CNTNAP2: variants seen among roughly 807,000 people sequenced by gnomAD.
CNTNAP2 encodes the protein contactin-associated protein-like 2.
In CNTNAP2, 98 loss-of-function variants were observed where a neutral mutation model predicts 155.2. The ratio of observed to expected loss-of-function variants is 0.63; its 90% confidence interval spans 0.54 to 0.75. The LOEUF (loss-of-function observed/expected upper bound fraction) is 0.75, where lower values mean the gene tolerates loss of function less well. Ranked by LOEUF, CNTNAP2 falls within the 30% of genes least tolerant of loss-of-function variation. The probability of loss-of-function intolerance (pLI) is 0.00; values close to 1 mark genes in which losing one functional copy is unlikely to be tolerated. For synonymous variants in CNTNAP2, 651 were observed against 631.2 expected (o/e 1.03, Z -0.47); for missense variants, 1,727 against 1,688.1 (o/e 1.02, Z -0.40).
At chr7:147,057,841 C>T (rs1372855288) in intron 4 of CNTNAP2, among the ~76,000 whole-genome samples, 2 of 152,128 alleles carry the variant, frequency 1.3e-5, no homozygotes, top group Non-Finnish European at 2.9e-5. Context: ...GCAGAAAGCA[C>T]GTACTGCATG....
chr7:146,204,666 T>A lies in CNTNAP2; in HGVS notation c.97+87693T>A, dbSNP rs570825678. ...ATATAGTAAATACTTTTCAAATGTT[T>A]CAACCATAGAGTTAAAACATCTTAG... is the stretch of plus-strand genomic sequence containing the variant. On this transcript the variant is annotated intron_variant, in intron 1 of 23. Coordinates refer to ENST00000361727, the MANE Select transcript of CNTNAP2 (RefSeq NM_014141.6). Among the ~76,000 whole-genome samples the A allele has an allele frequency of 1.8e-4, 27 of 152,216 alleles. No homozygotes were observed. The South Asian group carries it at 5.6e-3, about 32-fold the overall frequency.
chr7:146,430,301 G>A (rs966496907), intron 1 of CNTNAP2, among the ~76,000 whole-genome samples: 4 of 151,794 alleles, frequency 2.6e-5, no homozygotes, highest in Non-Finnish European at 4.4e-5. Context: ...ATCACAGAAA[G>A]TATATCTATT....
chr7:147,087,441 C>T (rs1800301738), intron 4 of CNTNAP2, among the ~76,000 whole-genome samples: 1 of 151,970 alleles, frequency 6.6e-6, no homozygotes, highest in Admixed American at 6.6e-5. Context: ...TTGTGTGTAG[C>T]GAAAGTGGTG....
At chr7:146,878,938 A>T (rs1308683367) in intron 3 of CNTNAP2, among the ~76,000 whole-genome samples, 2 of 152,128 alleles carry the variant, frequency 1.3e-5, no homozygotes, top group African/African-American at 4.8e-5. Flanking sequence ...ACCTTTTGCG[A>T]ACTTTATTTG....
At chr7:147,851,565 A>G (rs1798942033) in intron 13 of CNTNAP2, among the ~76,000 whole-genome samples, 1 of 152,034 alleles carries the variant, frequency 6.6e-6, no homozygotes, top group South Asian at 2.1e-4. Flanking sequence ...AATGTGGCAC[A>G]TATACACCAT....
At chr7:146,590,358 T>A (rs1006562573) in intron 1 of CNTNAP2, among the ~76,000 whole-genome samples, 1 of 152,188 alleles carries the variant, frequency 6.6e-6, no homozygotes, top group Non-Finnish European at 1.5e-5. Context: ...CAGTGAGAAT[T>A]TTTTTGATGA....
rs58086860 is a variant in CNTNAP2 at position 148,281,835 on chromosome 7, C to CTTTTT, written c.3475+14724_3475+14728dup. On this transcript the variant is annotated intron_variant, in intron 21 of 23. Transcript: ENST00000361727. ...CATAGCTGGTACTTCACAACGTTTCCTTTTTTTTTTTTTTTTTTTGAGACG... is the reference window on the plus strand; with the variant it reads ...CATAGCTGGTACTTCACAACGTTTCCTTTTTTTTTTTTTTTTTTTTTTTTGAGACG... 4.4e-4 allele frequency among the ~76,000 whole-genome samples: 54 copies of CTTTTT among 123,476 alleles called. 1 individual carries two copies. The highest frequency in any genetic ancestry group is 6.6e-4 in the Admixed American group (7 of 10,568). 81.0% of individuals were successfully genotyped at this position (123,476 alleles called of 152,430 possible).
chr7:147,952,123 C>CTTAA (rs1177329433), intron 14 of CNTNAP2, among the ~76,000 whole-genome samples: 1 of 151,696 alleles, frequency 6.6e-6, no homozygotes, highest in Non-Finnish European at 1.5e-5. Context: ...ATGTTTATAT[C>CTTAA]TTAATTAAAA....
At chr7:148,052,695 G>T (rs942735103) in intron 15 of CNTNAP2, among the ~76,000 whole-genome samples, 3 of 152,162 alleles carry the variant, frequency 2.0e-5, no homozygotes, top group African/African-American at 7.2e-5. Flanking sequence ...CTGTCACCCA[G>T]AAAGGAAGGA....
intron 13 of CNTNAP2, among the ~76,000 whole-genome samples, chr7:147,747,349 A>G (rs17170666): frequency 0.061 from 9,238 of 152,218 alleles, 893 homozygotes; most frequent in African/African-American, 0.21. Context: ...GTTTGAAACC[A>G]CAAGTGTTTT....
rs184447536 is a variant in CNTNAP2 at position 147,746,537 on chromosome 7, G to A, written c.2098+107231G>A. Among the ~76,000 whole-genome samples the A allele has an allele frequency of 7.1e-3, 1,073 of 152,036 alleles. 15 individuals carry two copies. Among genetic ancestry groups the A allele is most frequent in the Non-Finnish European group, 9.4e-3 (641 of 67,998 alleles). ...ACCTTTCTCCCTTCTACCCCATCAC[G>A]ACACAAAAACCTGCTCCCAGTTCCT... On this transcript the variant is annotated intron_variant, in intron 13 of 23. Coordinates refer to ENST00000361727, the MANE Select transcript of CNTNAP2 (RefSeq NM_014141.6).
At chr7:147,361,969 G>T (rs1466893670) in intron 9 of CNTNAP2, among the ~76,000 whole-genome samples, 1 of 152,144 alleles carries the variant, frequency 6.6e-6, no homozygotes, top group Non-Finnish European at 1.5e-5. Context: ...CTTCACTTCT[G>T]TGTTTGACAC....
At position 146,580,817 on chromosome 7, in the gene CNTNAP2, T is replaced by C. The variant is rs373041545; in HGVS notation, c.98-193454T>C. On this transcript the variant is annotated intron_variant, in intron 1 of 23. Transcript: ENST00000361727. ...GTTTTCATCAAAGCTTTATCCCCAT[T>C]ACCTAGGTCAGTCTGTGCCTGGAAA... Among the ~76,000 whole-genome samples, 18 of 152,220 alleles carry C rather than the reference T, an allele frequency of 1.2e-4. No individual in the cohort carries two copies. In the East Asian group the frequency reaches 2.9e-3, roughly 24 times the overall value.
At chr7:147,581,927 T>C (rs139119469) in intron 12 of CNTNAP2, among the ~76,000 whole-genome samples, 3 of 152,266 alleles carry the variant, frequency 2.0e-5, no homozygotes, top group Non-Finnish European at 4.4e-5. Context: ...ATTTGAGTTA[T>C]GGAATGTAAT....
chr7:148,116,237 A>C (rs185124895), intron 15 of CNTNAP2, among the ~76,000 whole-genome samples: 1 of 152,114 alleles, frequency 6.6e-6, no homozygotes, highest in African/African-American at 2.4e-5. Flanking sequence ...CATATTTTGC[A>C]CTAGTTCCCT....
intron 12 of CNTNAP2, among the ~76,000 whole-genome samples, chr7:147,621,368 CT>C (rs147844619): frequency 0.09 from 13,661 of 151,976 alleles, 1,700 homozygotes; most frequent in African/African-American, 0.26. Flanking sequence ...GTGTAAACTA[CT>C]TCATCCTAAG....
intron 11 of CNTNAP2, among the ~76,000 whole-genome samples, chr7:147,539,473 A>G (rs1919186): frequency 0.48 from 73,400 of 151,894 alleles, 17,864 homozygotes; most frequent in East Asian, 0.61. Context: ...CAGTGACGCT[A>G]TCCACTCACT....
At position 146,721,889 on chromosome 7, in the gene CNTNAP2, A is replaced by ATATATATATTTTTTTTTT; in HGVS notation, c.98-52381_98-52380insATATATATTTTTTTTTTT. ...TGTGTGTGTGTGTATATATATATAT[A>ATATATATATTTTTTTTTT]TTTTTTTTTTTTTTTTTGAGATGGA... On this transcript the variant is annotated intron_variant, in intron 1 of 23. Transcript: ENST00000361727. Among the ~76,000 whole-genome samples the ATATATATATTTTTTTTTT allele has an allele frequency of 5.7e-5, 4 of 69,708 alleles. 1 individual carries two copies. The African/African-American group carries it at 7.6e-4, about 13-fold the overall frequency. 45.7% of individuals were successfully genotyped at this position (69,708 alleles called of 152,430 possible). A position where few individuals can be genotyped will look rare whatever the true frequency, so the allele number is the denominator to read the frequency against.
intron 13 of CNTNAP2, among the ~76,000 whole-genome samples, chr7:147,697,052 T>C (rs1796171147): frequency 6.6e-6 from 1 of 152,210 alleles, no homozygotes; most frequent in African/African-American, 2.4e-5. Flanking sequence ...ATGTCTGCAA[T>C]AGTGACTGAG....
Sources: gnomAD v4.1 joint callset for allele counts (sites outside exome capture counted in the v4.1 genomes callset) on GRCh38, gnomAD v4.1.1 for gene constraint, MANE v1.5 for transcripts, NCBI Gene and HGNC (gene_info 2026-07-23, HGNC 2026-07-21) for gene names.